AGBL4: variants seen among roughly 807,000 people sequenced by gnomAD.
The protein encoded by AGBL4 is AGBL carboxypeptidase 4, also known as cytosolic carboxypeptidase 6.
In AGBL4, 58 loss-of-function variants were observed where a neutral mutation model predicts 66.4. The observed-to-expected ratio is 0.87, with a 90% CI of 0.71 to 1.09. AGBL4 has a LOEUF of 1.09. Ranked by LOEUF, AGBL4 falls within the 50% of genes least tolerant of loss-of-function variation. The pLI, the probability that AGBL4 is intolerant of heterozygous loss-of-function variation, is 0.00. For missense variants in AGBL4, 579 were observed against 631.0 expected (o/e 0.92, Z 0.88); for synonymous variants, 234 against 222.9 (o/e 1.05, Z -0.44).
At chr1:49,105,790 A>G (rs936232617) in intron 4 of AGBL4, among the ~76,000 whole-genome samples, 3 of 152,214 alleles carry the variant, frequency 2.0e-5, no homozygotes, top group African/African-American at 7.2e-5. Context: ...TAAAATGTGC[A>G]AATGTATGGA....
At chr1:49,425,868 G>A (rs1645646278) in intron 3 of AGBL4, among the ~76,000 whole-genome samples, 5 of 152,208 alleles carry the variant, frequency 3.3e-5, no homozygotes. Flanking sequence ...AACTGGGCTT[G>A]AATCCAGCTT....
chr1:48,837,711 C>CGATATATA (rs1471719980), intron 6 of AGBL4, among the ~76,000 whole-genome samples: 1 of 82,298 alleles, frequency 1.2e-5, no homozygotes, highest in Non-Finnish European at 2.4e-5. Flanking sequence ...CACACACACA[C>CGATATATA]TATATATATA....
At chr1:48,778,356 C>T (rs1645192110) in intron 6 of AGBL4, among the ~76,000 whole-genome samples, 1 of 152,196 alleles carries the variant, frequency 6.6e-6, no homozygotes, top group South Asian at 2.1e-4. Flanking sequence ...GTTTTGGGTT[C>T]CTGTGCCAAA....
At chr1:49,874,667 T>C (rs1263793995) in intron 1 of AGBL4, among the ~76,000 whole-genome samples, 1 of 152,142 alleles carries the variant, frequency 6.6e-6, no homozygotes, top group African/African-American at 2.4e-5. Flanking sequence ...TCAAGTATTA[T>C]TCTACAGAGT....
At chr1:49,927,961 T>A (rs1259926657) in intron 1 of AGBL4, among the ~76,000 whole-genome samples, 2 of 152,228 alleles carry the variant, frequency 1.3e-5, no homozygotes, top group East Asian at 3.8e-4. Flanking sequence ...GTATTCCATA[T>A]GTTCAAGAAG....
At chr1:49,180,038 G>T (rs1330329136) in intron 4 of AGBL4, among the ~76,000 whole-genome samples, 2 of 151,758 alleles carry the variant, frequency 1.3e-5, no homozygotes, top group African/African-American at 4.8e-5. Flanking sequence ...AGTAGCTGGG[G>T]TCACAGGCAT....
At chr1:48,609,502 G>A (rs537345446) in intron 9 of AGBL4, among the ~76,000 whole-genome samples, 18 of 152,250 alleles carry the variant, frequency 1.2e-4, no homozygotes, top group Non-Finnish European at 2.5e-4. Context: ...GCTCACTGCA[G>A]CCTTGACCTC....
At chr1:49,330,312 G>T (rs1208473121) in intron 3 of AGBL4, among the ~76,000 whole-genome samples, 1 of 152,226 alleles carries the variant, frequency 6.6e-6, no homozygotes, top group Non-Finnish European at 1.5e-5. Context: ...AGCTACTTGG[G>T]AGGCTGAGGC....
chr1:49,189,801 GA>G (rs1315602198), intron 4 of AGBL4, among the ~76,000 whole-genome samples: 1 of 152,080 alleles, frequency 6.6e-6, no homozygotes, highest in African/African-American at 2.4e-5. Context: ...AGGTGGGTAT[GA>G]AAAAGTGGGT....
intron 6 of AGBL4, among the ~76,000 whole-genome samples, chr1:48,692,965 C>T (rs1646657408): frequency 6.6e-6 from 1 of 152,176 alleles, no homozygotes; most frequent in African/African-American, 2.4e-5. Flanking sequence ...CTGAATAACC[C>T]TATCCAGGAA....
chr1:48,637,317 G>A (rs1434163447), intron 8 of AGBL4, among the ~76,000 whole-genome samples: 1 of 152,180 alleles, frequency 6.6e-6, no homozygotes, highest in African/African-American at 2.4e-5. Flanking sequence ...GAATTAGGCA[G>A]ATCTGAGTTC....
intron 5 of AGBL4, among the ~76,000 whole-genome samples, chr1:48,955,439 C>T (rs1405984527): frequency 2.0e-5 from 3 of 152,164 alleles, no homozygotes; most frequent in Non-Finnish European, 4.4e-5. Context: ...CCTCTCTCTC[C>T]TCCTTTCCTT....
At chr1:48,765,884 G>A (rs1644504000) in intron 6 of AGBL4, among the ~76,000 whole-genome samples, 1 of 152,152 alleles carries the variant, frequency 6.6e-6, no homozygotes, top group African/African-American at 2.4e-5. Flanking sequence ...ACAAAAAGTA[G>A]TTTAGTTGTT....
At chr1:48,622,343 C>T (rs1016834740) in intron 9 of AGBL4, among the ~76,000 whole-genome samples, 1 of 152,160 alleles carries the variant, frequency 6.6e-6, no homozygotes, top group African/African-American at 2.4e-5. Flanking sequence ...ACTTTACCCA[C>T]ATGGTACCCG....
At chr1:49,441,081 GC>G (rs1395284935) in intron 3 of AGBL4, among the ~76,000 whole-genome samples, 2 of 151,832 alleles carry the variant, frequency 1.3e-5, no homozygotes, top group Non-Finnish European at 2.9e-5. Context: ...CTCTTCAGGA[GC>G]CCCCCGCCCG....
At chr1:49,786,785 T>C (rs1340172493) in intron 2 of AGBL4, among the ~76,000 whole-genome samples, 3 of 152,128 alleles carry the variant, frequency 2.0e-5, no homozygotes, top group African/African-American at 7.2e-5. Context: ...ACTATAGGTA[T>C]CAAGAAAAAA....
chr1:49,840,487 G>C (rs1026417164), intron 2 of AGBL4, among the ~76,000 whole-genome samples: 1 of 152,056 alleles, frequency 6.6e-6, no homozygotes, highest in Non-Finnish European at 1.5e-5. Context: ...CCAAAAAACT[G>C]AGAAGGAGGG....
chr1:48,923,098 A>T (rs12030823), intron 5 of AGBL4, among the ~76,000 whole-genome samples: 67,625 of 149,934 alleles, frequency 0.45, 18,083 homozygotes, highest in Non-Finnish European at 0.61. Flanking sequence ...AATTAAAAAA[A>T]ATATATAAAA....
chr1:49,038,488 A>G (rs1229844213), intron 5 of AGBL4, among the ~76,000 whole-genome samples: 1 of 152,094 alleles, frequency 6.6e-6, no homozygotes, highest in Non-Finnish European at 1.5e-5. Context: ...AAACAAAACT[A>G]TATAAAACTC....
Sources: gnomAD v4.1 joint callset for allele counts (sites outside exome capture counted in the v4.1 genomes callset) on GRCh38, gnomAD v4.1.1 for gene constraint, MANE v1.5 for transcripts, NCBI Gene and HGNC (gene_info 2026-07-23, HGNC 2026-07-21) for gene names.